The following LRRC4C variants were observed in gnomAD, a reference collection of about 807,000 sequenced individuals.
LRRC4C encodes the protein leucine rich repeat containing 4C.
Under a neutral mutation model 33.6 loss-of-function variants are expected in LRRC4C, and 5 were observed. The observed-to-expected ratio is 0.15, with a 90% confidence interval of 0.08 to 0.31. LRRC4C has a LOEUF of 0.31. Among genes scored for constraint, LRRC4C ranks in the 10% least tolerant of loss-of-function variants. LRRC4C has a pLI of 1.00. For synonymous variants in LRRC4C, 329 were observed against 302.0 expected, an observed-to-expected ratio of 1.09 and a Z score of -0.93; for missense variants, 560 against 796.7, an observed-to-expected ratio of 0.70 and a Z score of 3.58.
chr11:41,189,929 A>G (rs567174834), intron 1 of LRRC4C, among the ~76,000 whole-genome samples: 1 of 152,162 alleles, frequency 6.6e-6, no homozygotes, highest in African/African-American at 2.4e-5. Context: ...CTAGGATTCA[A>G]TGTGCTAGCC....
At chr11:40,932,489 A>G (rs951757344) in intron 2 of LRRC4C, among the ~76,000 whole-genome samples, 2 of 152,244 alleles carry the variant, frequency 1.3e-5, no homozygotes, top group African/African-American at 4.8e-5. Context: ...TGTTTCCAGG[A>G]TTAGAGAAAC....
chr11:40,672,834 G>A (rs1358851194), intron 2 of LRRC4C, among the ~76,000 whole-genome samples: 2 of 152,150 alleles, frequency 1.3e-5, no homozygotes, highest in East Asian at 3.9e-4. Context: ...TATAGCGGCT[G>A]AGATTAGTAG....
At chr11:40,342,409 C>T (rs1946910433) in intron 3 of LRRC4C, among the ~76,000 whole-genome samples, 1 of 152,088 alleles carries the variant, frequency 6.6e-6, no homozygotes, top group South Asian at 2.1e-4. Context: ...GTGGAGGTTG[C>T]AGTGAGCCGA....
chr11:40,536,621 T>A (rs1029823514), intron 3 of LRRC4C, among the ~76,000 whole-genome samples: 1 of 152,202 alleles, frequency 6.6e-6, no homozygotes, highest in Admixed American at 6.5e-5. Context: ...GGCTTCCTGG[T>A]TTACATAACA....
chr11:41,096,596 T>G, intron 1 of LRRC4C, among the ~76,000 whole-genome samples: 1 of 152,074 alleles, frequency 6.6e-6, no homozygotes. Context: ...AACATATTTT[T>G]AAGAATAAAA....
At chr11:40,791,722 A>C (rs1030880323) in intron 2 of LRRC4C, among the ~76,000 whole-genome samples, 5 of 152,208 alleles carry the variant, frequency 3.3e-5, no homozygotes, top group Non-Finnish European at 7.3e-5. Context: ...TGGAAAGAAA[A>C]TAAAGCAGCC....
intron 1 of LRRC4C, among the ~76,000 whole-genome samples, chr11:40,981,660 C>G (rs7122832): frequency 1.1e-4 from 17 of 152,160 alleles, no homozygotes; most frequent in African/African-American, 4.1e-4. Flanking sequence ...ATTTAGAGAT[C>G]ATTCCTTGGA....
At chr11:41,161,159 T>G (rs1027387803) in intron 1 of LRRC4C, among the ~76,000 whole-genome samples, 3 of 152,188 alleles carry the variant, frequency 2.0e-5, no homozygotes. Flanking sequence ...TGTAACGTAG[T>G]GTGCTTTTAA....
intron 2 of LRRC4C, among the ~76,000 whole-genome samples, chr11:40,856,469 C>T (rs912575370): frequency 2.6e-5 from 4 of 152,122 alleles, no homozygotes; most frequent in African/African-American, 9.7e-5. Context: ...CATTCATTAG[C>T]GCATTTTATC....
At chr11:40,154,287 C>CAAAAA (rs60017606) in intron 5 of LRRC4C, among the ~76,000 whole-genome samples, 1 of 114,202 alleles carries the variant, frequency 8.8e-6, no homozygotes, top group African/African-American at 3.2e-5. Context: ...AGCTAAAAAG[C>CAAAAA]AAAAAAAAAA....
At chr11:41,382,287 A>G (rs1284817272) in intron 1 of LRRC4C, among the ~76,000 whole-genome samples, 1 of 152,086 alleles carries the variant, frequency 6.6e-6, no homozygotes, top group East Asian at 1.9e-4. Context: ...AAAACTTAAG[A>G]AAAATAATAT....
intron 3 of LRRC4C, among the ~76,000 whole-genome samples, chr11:40,409,991 T>A (rs1484306242): frequency 6.6e-6 from 1 of 152,104 alleles, no homozygotes; most frequent in Non-Finnish European, 1.5e-5. Flanking sequence ...TTAAAATAAA[T>A]AAATCAATTA....
At chr11:41,389,751 A>C (rs1953516038) in intron 1 of LRRC4C, among the ~76,000 whole-genome samples, 1 of 151,652 alleles carries the variant, frequency 6.6e-6, no homozygotes, top group African/African-American at 2.4e-5. Flanking sequence ...GTGATCGGGC[A>C]TGTGCCTGGG....
intron 1 of LRRC4C, among the ~76,000 whole-genome samples, chr11:41,288,068 C>T (rs1039045991): frequency 1.3e-5 from 2 of 152,110 alleles, no homozygotes; most frequent in African/African-American, 4.8e-5. Context: ...TTACTCTGTG[C>T]CAGGTTCTCT....
intron 2 of LRRC4C, among the ~76,000 whole-genome samples, chr11:40,925,137 C>T (rs1957363852): frequency 6.6e-6 from 1 of 151,980 alleles, no homozygotes; most frequent in South Asian, 2.1e-4. Context: ...CTCTCTCTCT[C>T]TCTCTCTCTT....
chr11:40,247,315 A>C (rs1208077293), intron 4 of LRRC4C, among the ~76,000 whole-genome samples: 2 of 152,108 alleles, frequency 1.3e-5, no homozygotes, highest in African/African-American at 4.8e-5. Context: ...TATCCTTTGC[A>C]ATGTCTTCTC....
At chr11:41,190,593 C>T (rs1945899071) in intron 1 of LRRC4C, among the ~76,000 whole-genome samples, 1 of 152,178 alleles carries the variant, frequency 6.6e-6, no homozygotes, top group South Asian at 2.1e-4. Context: ...ATTACCCAGT[C>T]CTCACCAATG....
intron 3 of LRRC4C, among the ~76,000 whole-genome samples, chr11:40,430,914 AG>A (rs1405039846): frequency 1.8e-5 from 2 of 114,180 alleles, no homozygotes; most frequent in Non-Finnish European, 3.3e-5. Context: ...ACATGGACAC[AG>A]GAAGGGGAAT....
At chr11:41,294,328 A>C (rs1002798726) in intron 1 of LRRC4C, among the ~76,000 whole-genome samples, 1 of 152,214 alleles carries the variant, frequency 6.6e-6, no homozygotes, top group Non-Finnish European at 1.5e-5. Flanking sequence ...AGGACTTCGC[A>C]CAGAGTATCA....
Sources: gnomAD v4.1 joint callset for allele counts (sites outside exome capture counted in the v4.1 genomes callset) on GRCh38, gnomAD v4.1.1 for gene constraint, MANE v1.5 for transcripts, NCBI Gene and HGNC (gene_info 2026-07-23, HGNC 2026-07-21) for gene names.